The following OR51B5 variants were observed in gnomAD, a reference collection of about 807,000 sequenced individuals.
OR51B5 encodes the protein olfactory receptor 51B5.
For synonymous variants in OR51B5, 186 were observed against 144.8 expected, an observed-to-expected ratio of 1.28 and a Z score of -2.04; for missense variants, 456 against 374.6, an observed-to-expected ratio of 1.22 and a Z score of -1.79.
At chr11:5,370,641 T>G (rs1002674297) in intron 1 of OR51B5, among the ~76,000 whole-genome samples, 2 of 152,246 alleles carry the variant, frequency 1.3e-5, no homozygotes, top group African/African-American at 2.4e-5. Context: ...TTTGTTTATC[T>G]AATGAGAGGC....
intron 1 of OR51B5, chr11:5,456,203 A>G (rs1273985641): frequency 2.6e-5 from 4 of 152,222 alleles, no homozygotes; most frequent in Non-Finnish European, 5.9e-5. Flanking sequence ...TAGAAACCCA[A>G]TGGTGTAACA....
chr11:5,502,438 A>G (rs1018176394), intron 1 of OR51B5, among the ~76,000 whole-genome samples: 2 of 152,160 alleles, frequency 1.3e-5, no homozygotes, highest in African/African-American at 4.8e-5. Flanking sequence ...TAGCTCTTTG[A>G]ATGTCTGGCT....
chr11:5,419,465 C>T (rs773876424), intron 1 of OR51B5, among the ~76,000 whole-genome samples: 3 of 152,206 alleles, frequency 2.0e-5, no homozygotes, highest in Non-Finnish European at 4.4e-5. Context: ...TCCATCTACA[C>T]TGAACATGCA....
At chr11:5,373,490 T>C (rs1326569121) in intron 1 of OR51B5, among the ~76,000 whole-genome samples, 1 of 151,970 alleles carries the variant, frequency 6.6e-6, no homozygotes, top group Non-Finnish European at 1.5e-5. Context: ...GGTCAGTGGG[T>C]GCAGCACACC....
chr11:5,501,303 A>G (rs1423530857), intron 1 of OR51B5, among the ~76,000 whole-genome samples: 4 of 147,998 alleles, frequency 2.7e-5, no homozygotes, highest in African/African-American at 4.9e-5. Context: ...ATTCTGCCCT[A>G]CTGGTGATTT....
At chr11:5,471,690 T>C (rs1851232183) in intron 1 of OR51B5, among the ~76,000 whole-genome samples, 1 of 151,956 alleles carries the variant, frequency 6.6e-6, no homozygotes, top group Admixed American at 6.6e-5. Flanking sequence ...GAAGAATGTA[T>C]TAACATAAGA....
At chr11:5,457,851 T>C (rs1850983072) in intron 1 of OR51B5, among the ~76,000 whole-genome samples, 2 of 152,200 alleles carry the variant, frequency 1.3e-5, no homozygotes. Flanking sequence ...TGTTTATAGA[T>C]TCTGGATATT....
chr11:5,396,640 A>G (rs1849876674), intron 1 of OR51B5, among the ~76,000 whole-genome samples: 1 of 152,004 alleles, frequency 6.6e-6, no homozygotes, highest in Non-Finnish European at 1.5e-5. Flanking sequence ...AAGGTAATTT[A>G]TAGATTCAAT....
chr11:5,373,646 A>G (rs4910778), intron 1 of OR51B5, among the ~76,000 whole-genome samples: 41,130 of 152,008 alleles, frequency 0.27, 5,826 homozygotes, highest in African/African-American at 0.33. Context: ...CTTTTCTGAC[A>G]GGCTTAGGAA....
At chr11:5,465,424 C>A (rs1286936544) in intron 1 of OR51B5, among the ~76,000 whole-genome samples, 1 of 151,924 alleles carries the variant, frequency 6.6e-6, no homozygotes, top group Non-Finnish European at 1.5e-5. Context: ...GTCAAGCTAC[C>A]AATGACTTTC....
intron 1 of OR51B5, among the ~76,000 whole-genome samples, chr11:5,404,640 C>T (rs762975644): frequency 6.6e-6 from 1 of 152,228 alleles, no homozygotes; most frequent in Non-Finnish European, 1.5e-5. Context: ...GGTCCCCTTG[C>T]ACGCTGTGGA....
chr11:5,505,189 G>C (rs896172016), intron 1 of OR51B5, among the ~76,000 whole-genome samples: 2 of 152,158 alleles, frequency 1.3e-5, no homozygotes, highest in Admixed American at 6.5e-5. Context: ...CACTTCATAT[G>C]ACCCTCAGGT....
chr11:5,475,509 T>C (rs1851290138), intron 1 of OR51B5, among the ~76,000 whole-genome samples: 1 of 152,188 alleles, frequency 6.6e-6, no homozygotes, highest in South Asian at 2.1e-4. Flanking sequence ...GGATATTAAA[T>C]ATTATTTAAA....
At chr11:5,471,620 A>G (rs1241063157) in intron 1 of OR51B5, among the ~76,000 whole-genome samples, 1 of 146,024 alleles carries the variant, frequency 6.8e-6, no homozygotes, top group Non-Finnish European at 1.5e-5. Context: ...TGGGTGACAG[A>G]GCAAGACTCT....
intron 1 of OR51B5, among the ~76,000 whole-genome samples, chr11:5,401,810 T>TTTC (rs1849971148): frequency 1.3e-5 from 2 of 150,490 alleles, no homozygotes; most frequent in Non-Finnish European, 2.9e-5. Context: ...ATAATCTTTC[T>TTTC]TTTCTTTCTT....
intron 1 of OR51B5, among the ~76,000 whole-genome samples, chr11:5,447,723 T>C (rs12279165): frequency 0.052 from 7,890 of 152,102 alleles, 697 homozygotes; most frequent in African/African-American, 0.18. Flanking sequence ...AGAAGGAACT[T>C]GTACCCTACT....
At chr11:5,455,587 G>GAGAAAGAGAAAAAGAAAA (rs2133789516) in intron 1 of OR51B5, 1 of 146,934 alleles carries the variant, frequency 6.8e-6, no homozygotes, top group African/African-American at 2.6e-5. Context: ...GAAAGAGAAA[G>GAGAAAGAGAAAAAGAAAA]AGAGAAAGAG....
chr11:5,492,475 ATTCTC>A (rs1326969088), intron 1 of OR51B5, among the ~76,000 whole-genome samples: 1 of 152,104 alleles, frequency 6.6e-6, no homozygotes, highest in African/African-American at 2.4e-5. Context: ...GATTTAGATT[ATTCTC>A]TTAATTTTTC....
chr11:5,347,933 G>A (rs887777893), upstream of OR51B5, among the ~76,000 whole-genome samples: 1 of 152,080 alleles, frequency 6.6e-6, no homozygotes, highest in Non-Finnish European at 1.5e-5. Flanking sequence ...TCTTTCATAC[G>A]GCTAAAGATG....
Sources: allele counts gnomAD v4.1 joint callset (sites outside exome capture counted in the v4.1 genomes callset), GRCh38; gene constraint gnomAD v4.1.1; transcripts MANE v1.5; gene names NCBI Gene and HGNC (gene_info 2026-07-23, HGNC 2026-07-21).